The following MAN2A1 variants were observed in gnomAD, a reference collection of about 807,000 sequenced individuals.
MAN2A1 encodes the protein mannosidase alpha class 2A member 1.
Under a neutral mutation model 142.6 loss-of-function variants are expected in MAN2A1, and 76 were observed. The observed-to-expected ratio is 0.53, with a 90% CI of 0.44 to 0.65. MAN2A1 has a LOEUF of 0.65. Ranked by LOEUF, MAN2A1 falls within the 30% of genes least tolerant of loss-of-function variation. The pLI is 0.00. For missense variants in MAN2A1, 1,311 were observed against 1,365.1 expected (o/e 0.96, Z 0.62); for synonymous variants, 559 against 473.2 (o/e 1.18, Z -2.35).
intron 20 of MAN2A1, among the ~76,000 whole-genome samples, chr5:109,857,649 T>C (rs1755658433): frequency 6.6e-6 from 1 of 152,212 alleles, no homozygotes; most frequent in South Asian, 2.1e-4. Context: ...AACTTGTTTT[T>C]TATGTCACCT....
chr5:109,845,777 C>T, intron 17 of MAN2A1, 88 bp from the exon 18 acceptor site: 2 of 976,362 alleles, frequency 2.0e-6, no homozygotes, highest in South Asian at 2.2e-5. Context: ...GTCTTTTTCT[C>T]TTGGGAAGAA....
intron 17 of MAN2A1, among the ~76,000 whole-genome samples, chr5:109,844,663 C>G (rs72814823): frequency 0.01 from 1,537 of 152,272 alleles, 13 homozygotes; most frequent in Non-Finnish European, 0.015. Context: ...AGGGAAATAA[C>G]CTTCCTTGCC....
At chr5:109,719,453 T>C (rs1751543411) in intron 3 of MAN2A1, among the ~76,000 whole-genome samples, 2 of 152,188 alleles carry the variant, frequency 1.3e-5, no homozygotes. Context: ...TCTTTTTTAA[T>C]AGAGGAAAAA....
At chr5:109,865,545 T>G (rs1176052397) in intron 21 of MAN2A1, 1 of 170,710 alleles carries the variant, frequency 5.9e-6, no homozygotes, top group Admixed American at 5.9e-5. Context: ...TAACTGAAGC[T>G]TATAGAGGTA....
chr5:109,785,039 T>C, intron 10 of MAN2A1, 113 bp downstream of exon 10: 1 of 693,634 alleles, frequency 1.4e-6, no homozygotes, highest in East Asian at 2.8e-5. Flanking sequence ...AACAATGATA[T>C]CCCTCATAAG....
At chr5:109,759,954 T>C (rs897716188) in intron 5 of MAN2A1, among the ~76,000 whole-genome samples, 1 of 29,110 alleles carries the variant, frequency 3.4e-5, no homozygotes, top group African/African-American at 3.0e-4. Flanking sequence ...TTGCTATATA[T>C]ATATATATAT....
At chr5:109,793,878 G>T (rs1753796547) in intron 12 of MAN2A1, among the ~76,000 whole-genome samples, 1 of 152,140 alleles carries the variant, frequency 6.6e-6, no homozygotes, top group Non-Finnish European at 1.5e-5. Context: ...AACATAGCCT[G>T]ATTCTACATT....
In MAN2A1 at chr5:109,869,184, GTC is replaced by G; in HGVS notation, c.*2190_*2191del. On this transcript the variant is annotated 3_prime_UTR_variant, in exon 22 of 22. Transcript: ENST00000261483. The stretch of plus-strand genomic sequence containing the variant: ...TCAAAAACTGATTAAATAATTTAAT[GTC>G]TCTGGCACACACTAAAAACCATACA... The G allele has an allele frequency of 6.6e-6, 1 of 152,280 alleles. No homozygotes were observed. The highest frequency in any genetic ancestry group is 6.5e-5 in the Admixed American group (1 of 15,286). 9.4% of individuals were successfully genotyped at this position (152,280 alleles called of 1,614,324 possible).
chr5:109,724,281 A>C (rs999135468), intron 3 of MAN2A1, among the ~76,000 whole-genome samples: 35 of 152,182 alleles, frequency 2.3e-4, no homozygotes, highest in Middle Eastern at 3.4e-3. Context: ...AAGGAGGGAG[A>C]GAGGGAAGGG....
At chr5:109,842,181 T>C (rs1265861976) in intron 16 of MAN2A1, 147 bp from the exon 17 acceptor site, 1 of 501,704 alleles carries the variant, frequency 2.0e-6, no homozygotes, top group Non-Finnish European at 3.4e-6. Flanking sequence ...AGTTAAATTG[T>C]CATAGCATTT....
intron 4 of MAN2A1, among the ~76,000 whole-genome samples, chr5:109,743,564 C>T (rs976282206): frequency 2.6e-5 from 4 of 152,156 alleles, no homozygotes; most frequent in Non-Finnish European, 5.9e-5. Flanking sequence ...AAATAATCTT[C>T]ACCTCTGTGG....
chr5:109,727,735 G>A (rs1381996443), intron 3 of MAN2A1, among the ~76,000 whole-genome samples: 2 of 152,158 alleles, frequency 1.3e-5, no homozygotes, highest in Non-Finnish European at 2.9e-5. Flanking sequence ...AGCACTTGAT[G>A]TTTTTTAACT....
chr5:109,867,098 G>A lies in MAN2A1; in HGVS notation c.*100G>A, dbSNP rs1755904149. 3 of 776,014 alleles carry A rather than the reference G, an allele frequency of 3.9e-6. No homozygotes were observed. Among genetic ancestry groups the A allele is most frequent in the African/African-American group, 3.8e-5 (2 of 52,818 alleles). The allele number at this position is 776,014 out of a possible 1,614,324, so 48.1% of individuals were successfully genotyped here. On this transcript the variant is annotated 3_prime_UTR_variant, in exon 22 of 22. Transcript: ENST00000261483. ...CATTATTTTAGCTTCTGGCTACTGT[G>A]AGAACATGAATTCTGTGATTCTGTG... is the stretch of plus-strand genomic sequence containing the variant.
intron 1 of MAN2A1, among the ~76,000 whole-genome samples, chr5:109,692,984 G>A (rs988623254): frequency 6.6e-6 from 1 of 152,102 alleles, no homozygotes; most frequent in African/African-American, 2.4e-5. Flanking sequence ...GAGCTCAGGC[G>A]GTAATGCTTG....
chr5:109,825,242 C>T (rs1350303121), intron 16 of MAN2A1, among the ~76,000 whole-genome samples: 2 of 152,202 alleles, frequency 1.3e-5, no homozygotes, highest in Non-Finnish European at 2.9e-5. Flanking sequence ...CATTACCCCA[C>T]AGAAGATATG....
intron 12 of MAN2A1, among the ~76,000 whole-genome samples, chr5:109,808,110 G>C (rs905733569): frequency 2.0e-5 from 3 of 152,198 alleles, no homozygotes; most frequent in Non-Finnish European, 4.4e-5. Context: ...GCATTTTAGA[G>C]ATGCACTTTA....
intron 4 of MAN2A1, among the ~76,000 whole-genome samples, chr5:109,738,556 A>T (rs1752174972): frequency 6.6e-6 from 1 of 152,168 alleles, no homozygotes; most frequent in Non-Finnish European, 1.5e-5. Flanking sequence ...GCCTAGGTTC[A>T]AATTCTGCCA....
At chr5:109,715,138 A>G (rs925080712) in intron 2 of MAN2A1, among the ~76,000 whole-genome samples, 2 of 152,090 alleles carry the variant, frequency 1.3e-5, no homozygotes, top group East Asian at 3.9e-4. Flanking sequence ...AGACACTGCT[A>G]ACACATCCTC....
In MAN2A1 at chr5:109,770,469, T is replaced by A. The variant is rs1175440755; in HGVS notation, c.1124T>A (p.Leu375His). 1 of 1,613,944 alleles carries A rather than the reference T, an allele frequency of 6.2e-7. No homozygotes were observed. Among genetic ancestry groups the A allele is most frequent in the African/African-American group, 1.3e-5 (1 of 74,922 alleles). ...KICCQFDFKRLPGGRFGCPWG... is the reference protein window; with the variant it reads ...KICCQFDFKRHPGGRFGCPWG... The stretch of plus-strand genomic sequence containing the variant: ...TGCTGCCAGTTTGATTTTAAACGTC[T>A]TCCTGGAGGCAGATTTGGTTGTCCC... Residue 375 changes from leucine to histidine, a missense_variant, in exon 7 of 22, where the codon CTT becomes CAT. Leu to His is a moderately conservative substitution (Grantham distance 99). Around this residue, in one of 3 missense-constraint regions of MAN2A1, gnomAD observed 890 missense variants for 920.5 expected, o/e 0.97. Coordinates refer to ENST00000261483, the MANE Select transcript of MAN2A1 (RefSeq NM_002372.4).
Sources: allele counts gnomAD v4.1 joint callset (sites outside exome capture counted in the v4.1 genomes callset), GRCh38; gene constraint gnomAD v4.1.1; regional missense constraint gnomAD v4.1.1; transcripts MANE v1.5; gene names NCBI Gene and HGNC (gene_info 2026-07-23, HGNC 2026-07-21).